Variants in DIAPH1 observed in about 807,000 individuals in gnomAD.
DIAPH1 encodes protein diaphanous homolog 1.
In DIAPH1, 46 loss-of-function variants were observed where a neutral mutation model predicts 140.7. The ratio of observed to expected loss-of-function variants is 0.33; its 90% CI spans 0.26 to 0.42. The LOEUF (loss-of-function observed/expected upper bound fraction) is 0.42. Among genes scored for constraint, DIAPH1 ranks in the 10% least tolerant of loss-of-function variants. DIAPH1 has a pLI of 1.00. For missense variants in DIAPH1, 1,310 were observed against 1,558.7 expected, an observed-to-expected ratio of 0.84 and a Z score of 2.69; for synonymous variants, 565 against 551.6, an observed-to-expected ratio of 1.02 and a Z score of -0.34.
rs1387388660 is a variant in DIAPH1 at position 141,547,797 on chromosome 5, C to T, written c.2483-13364G>A. 3.3e-5 allele frequency among the ~76,000 whole-genome samples: 5 copies of T among 152,124 alleles called. No homozygotes were observed. The East Asian group carries it at 9.7e-4, about 29-fold the overall frequency. On this transcript the variant is annotated intron_variant, in intron 18 of 27. Coordinates refer to ENST00000389054, the MANE Select transcript of DIAPH1 (RefSeq NM_005219.5). Reference sequence around the variant, plus strand: ...ATTTTTCAGAAGTGATGAAAGCCTTCAACATACAGAATCAAGCAGCTCAGA... The same window carrying T: ...ATTTTTCAGAAGTGATGAAAGCCTTTAACATACAGAATCAAGCAGCTCAGA...
chr5:141,604,042 C>T (rs932383004), intron 1 of DIAPH1, among the ~76,000 whole-genome samples: 5 of 152,090 alleles, frequency 3.3e-5, no homozygotes, highest in African/African-American at 9.7e-5. Flanking sequence ...AACTGCCAGT[C>T]CTTGCACTAT....
At chr5:141,559,528 T>A (rs922227400) in intron 18 of DIAPH1, among the ~76,000 whole-genome samples, 3 of 152,142 alleles carry the variant, frequency 2.0e-5, no homozygotes, top group Non-Finnish European at 2.9e-5. Context: ...TGCTGAGAGT[T>A]ATAAAGAAGG....
chr5:141,539,430 G>GTTTTTTTTTTTTTTTTTTTTTTT (rs374210300), intron 18 of DIAPH1, among the ~76,000 whole-genome samples: 2 of 131,846 alleles, frequency 1.5e-5, no homozygotes, highest in African/African-American at 2.7e-5. Context: ...TTTTTTTTTT[G>GTTTTTTTTTTTTTTTTTTTTTTT]TTTTTTTTTT....
chr5:141,558,808 G>A (rs1292573890), intron 18 of DIAPH1, among the ~76,000 whole-genome samples: 5 of 151,890 alleles, frequency 3.3e-5, no homozygotes, highest in African/African-American at 1.2e-4. Flanking sequence ...GTCATTAATG[G>A]TTGCCACTAC....
chr5:141,605,440 A>C (rs1461051973), intron 1 of DIAPH1, among the ~76,000 whole-genome samples: 1 of 152,246 alleles, frequency 6.6e-6, no homozygotes, highest in Non-Finnish European at 1.5e-5. Context: ...AGCACACACA[A>C]AAAATCATTA....
chr5:141,588,183 A>C, intron 2 of DIAPH1, 41 bp downstream of exon 2: 1 of 1,545,594 alleles, frequency 6.5e-7, no homozygotes, highest in Non-Finnish European at 8.9e-7. Context: ...TAGTGTAGGC[A>C]ATGAGCTAGA....
intron 18 of DIAPH1, among the ~76,000 whole-genome samples, chr5:141,568,490 T>C (rs2099894698): frequency 6.6e-6 from 1 of 152,158 alleles, no homozygotes; most frequent in African/African-American, 2.4e-5. Flanking sequence ...AAATACCTCA[T>C]TTATGGGAAA....
At position 141,599,005 on chromosome 5, in the gene DIAPH1, C is replaced by T. The variant is rs138457103; in HGVS notation, c.118-10755G>A. Among the ~76,000 whole-genome samples the T allele has an allele frequency of 7.6e-3, 1,151 of 152,264 alleles. 19 individuals carry two copies. Among genetic ancestry groups the T allele is most frequent in the African/African-American group, 0.026 (1,093 of 41,536 alleles). ...AAAACTCATCCAAGAGACTGATTCA[C>T]CTCTACTTGATTCTCTGAATCTTTA... is the stretch of plus-strand genomic sequence containing the variant. On this transcript the variant is annotated intron_variant, in intron 1 of 27. Transcript: ENST00000389054.
At position 141,565,289 on chromosome 5, in the gene DIAPH1, C is replaced by G. The variant is rs1434671460; in HGVS notation, c.2482+6139G>C. On this transcript the variant is annotated intron_variant, in intron 18 of 27. Coordinates refer to ENST00000389054, the MANE Select transcript of DIAPH1 (RefSeq NM_005219.5). The surrounding 1 kb of genome is among the most constrained non-coding windows in gnomAD (Gnocchi z 4.3). ...TGTTTCTGTAATTTTATTTTTAATT[C>G]CCTTGCCCCTTTTCCAGTAAAGTTT... The G allele has an allele frequency of 6.6e-6, 1 of 152,088 alleles. No individual in the cohort carries two copies. Among genetic ancestry groups the G allele is most frequent in the Non-Finnish European group, 1.5e-5 (1 of 68,016 alleles). The allele number at this position is 152,088 out of a possible 1,614,324, so 9.4% of individuals were successfully genotyped here.
intron 1 of DIAPH1, chr5:141,589,156 G>T: frequency 6.5e-6 from 1 of 153,870 alleles, no homozygotes; most frequent in South Asian, 1.9e-4. Flanking sequence ...CTTTGTGGTG[G>T]GGCTAAGAAA....
intron 18 of DIAPH1, among the ~76,000 whole-genome samples, chr5:141,551,019 C>T (rs150629088): frequency 6.6e-6 from 1 of 152,294 alleles, no homozygotes; most frequent in African/African-American, 2.4e-5. Context: ...GTACATGATC[C>T]AGGACTTTTT....
chr5:141,544,784 G>A (rs546808640), intron 18 of DIAPH1, among the ~76,000 whole-genome samples: 2 of 152,304 alleles, frequency 1.3e-5, no homozygotes, highest in Middle Eastern at 6.8e-3. Context: ...CTCATACATT[G>A]CTAGTGGAAA....
chr5:141,535,301 A>G (rs2099888847), intron 18 of DIAPH1, among the ~76,000 whole-genome samples: 2 of 152,188 alleles, frequency 1.3e-5, no homozygotes, highest in South Asian at 2.1e-4. Flanking sequence ...TGTTTTCTCA[A>G]CTGCCTATGA....
intron 11 of DIAPH1, 64 bp from the exon 12 acceptor site, chr5:141,577,655 T>C (rs1596383122): frequency 1.0e-5 from 11 of 1,070,174 alleles, no homozygotes; most frequent in Middle Eastern, 2.0e-4. Flanking sequence ...AGGTGGCTTA[T>C]TTAACTCTTG....
chr5:141,523,414 C>T (rs75971665), intron 27 of DIAPH1, among the ~76,000 whole-genome samples: 1,617 of 152,288 alleles, frequency 0.011, 40 homozygotes, highest in African/African-American at 0.037. Context: ...CTGTAAGCTT[C>T]CCTGAAAGGG....
chr5:141,598,527 C>CTGGGTT, intron 1 of DIAPH1, among the ~76,000 whole-genome samples: 1 of 152,122 alleles, frequency 6.6e-6, no homozygotes, highest in Non-Finnish European at 1.5e-5. Flanking sequence ...TGCACTAAGA[C>CTGGGTT]CATCCATCAA....
intron 18 of DIAPH1, among the ~76,000 whole-genome samples, chr5:141,544,473 G>A (rs567828477): frequency 3.9e-4 from 60 of 152,108 alleles, no homozygotes; most frequent in African/African-American, 1.4e-3. Context: ...ACACTTATCC[G>A]ATAAAGAACT....
rs1049848645 is a variant in DIAPH1 at position 141,555,504 on chromosome 5, T to C, written c.2482+15924A>G. On this transcript the variant is annotated intron_variant, in intron 18 of 27. Coordinates refer to ENST00000389054, the MANE Select transcript of DIAPH1 (RefSeq NM_005219.5). ...GTGCACTAATTAATCATCCAGATAC[T>C]AAAGCACCTAATATACAACCTTATC... Among the ~76,000 whole-genome samples, 5 of 152,184 alleles carry C rather than the reference T, an allele frequency of 3.3e-5. 1 individual carries two copies. The highest frequency in any genetic ancestry group is 3.3e-4 in the Admixed American group (5 of 15,280).
intron 18 of DIAPH1, among the ~76,000 whole-genome samples, chr5:141,534,698 G>A (rs1229253757): frequency 2.0e-5 from 3 of 152,178 alleles, no homozygotes; most frequent in African/African-American, 7.2e-5. Context: ...GCAGGGATCA[G>A]CAAGCTGCCT....
Sources: gnomAD v4.1 joint callset for allele counts (sites outside exome capture counted in the v4.1 genomes callset) on GRCh38, gnomAD v4.1.1 for gene constraint, Gnocchi (gnomAD v3.1) non-coding constraint, MANE v1.5 for transcripts, NCBI Gene and HGNC (gene_info 2026-07-23, HGNC 2026-07-21) for gene names.